The following TUT7 variants were observed in gnomAD, a reference collection of about 807,000 sequenced individuals.
TUT7 encodes the protein terminal uridylyl transferase 7.
TUT7 carries 33 observed loss-of-function variants against 165.9 expected under a neutral mutation model. The ratio of observed to expected loss-of-function variants is 0.20; its 90% CI spans 0.15 to 0.27. The LOEUF is 0.27. Among genes scored for constraint, TUT7 ranks in the 10% least tolerant of loss-of-function variants. TUT7 has a pLI of 1.00. For missense variants in TUT7, 1,338 were observed against 1,762.3 expected (o/e 0.76, Z 4.31); for synonymous variants, 552 against 608.1 (o/e 0.91, Z 1.36).
At chr9:86,334,002 G>A (rs1029637343) in intron 10 of TUT7, among the ~76,000 whole-genome samples, 1 of 151,884 alleles carries the variant, frequency 6.6e-6, no homozygotes, top group African/African-American at 2.4e-5. Context: ...TCCCTGGAGA[G>A]GGGAAACACT....
chr9:86,292,777 A>G (rs1046792351), intron 26 of TUT7, among the ~76,000 whole-genome samples: 1 of 151,998 alleles, frequency 6.6e-6, no homozygotes, highest in African/African-American at 2.4e-5. Context: ...CTTCTCTCTA[A>G]AAGAAAAAAA....
chr9:86,340,790 C>A (rs1156341158), intron 7 of TUT7, among the ~76,000 whole-genome samples: 1 of 152,190 alleles, frequency 6.6e-6, no homozygotes, highest in Non-Finnish European at 1.5e-5. Flanking sequence ...GTGATGATGT[C>A]ATCAAGCTAA....
chr9:86,308,761 TAA>T (rs985495707), intron 21 of TUT7, among the ~76,000 whole-genome samples, 155 bp from the exon 22 acceptor site: 4 of 152,252 alleles, frequency 2.6e-5, no homozygotes, highest in Non-Finnish European at 5.9e-5. Context: ...ATAATTTACA[TAA>T]GTTTATTAAT....
intron 18 of TUT7, 138 bp from the exon 19 acceptor site, chr9:86,310,155 G>A (rs1023077823): frequency 1.1e-5 from 7 of 638,416 alleles, no homozygotes; most frequent in Admixed American, 3.1e-5. Context: ...CTGGGCTCAA[G>A]TGATCCTCCC....
intron 9 of TUT7, 55 bp downstream of exon 9, chr9:86,338,768 G>A: frequency 3.5e-6 from 5 of 1,423,574 alleles, no homozygotes; most frequent in Non-Finnish European, 3.7e-6. Flanking sequence ...AAAAATCAAA[G>A]CATACTGCTT....
chr9:86,302,440 T>C (rs1421472778), intron 25 of TUT7, among the ~76,000 whole-genome samples: 1 of 152,174 alleles, frequency 6.6e-6, no homozygotes, highest in East Asian at 1.9e-4. Context: ...AGGAACTCAT[T>C]TGACTGTTTA....
chr9:86,308,301 G>T (rs945091461), intron 22 of TUT7, 128 bp downstream of exon 22: 4 of 767,650 alleles, frequency 5.2e-6, no homozygotes. Context: ...AGTTGGCCTG[G>T]TATGGACAAT....
At chr9:86,348,485 G>A (rs1831971622) in intron 2 of TUT7, among the ~76,000 whole-genome samples, 2 of 152,134 alleles carry the variant, frequency 1.3e-5, no homozygotes, top group South Asian at 2.1e-4. Context: ...GGTGCAGTGG[G>A]TCATGCCTGT....
At chr9:86,337,791 A>C (rs1830946429) in intron 9 of TUT7, among the ~76,000 whole-genome samples, 1 of 152,202 alleles carries the variant, frequency 6.6e-6, no homozygotes, top group African/African-American at 2.4e-5. Context: ...TGGCCCTAAA[A>C]TATTATTTCC....
At chr9:86,308,861 T>C (rs1587885251) in intron 21 of TUT7, among the ~76,000 whole-genome samples, 2 of 152,210 alleles carry the variant, frequency 1.3e-5, no homozygotes, top group East Asian at 3.8e-4. Flanking sequence ...AGAAATAGAT[T>C]CTAAGAGCCT....
chr9:86,311,066 G>A lies in TUT7; in HGVS notation c.3275-257C>T, dbSNP rs780434891. ...CTCCCCTCTGGGAACTTACTGGATCGTATGTGCACACGTGTGCATGTGTGT... is the reference window on the plus strand; with the variant it reads ...CTCCCCTCTGGGAACTTACTGGATCATATGTGCACACGTGTGCATGTGTGT... On this transcript the variant is annotated intron_variant, in intron 17 of 26. Coordinates refer to ENST00000375963, the MANE Select transcript of TUT7 (RefSeq NM_024617.4). The surrounding 1 kb of genome is among the most constrained non-coding windows in gnomAD (Gnocchi z 4.4). 1.3e-5 allele frequency among the ~76,000 whole-genome samples: 2 copies of A among 152,138 alleles called. No individual in the cohort carries two copies. The highest frequency in any genetic ancestry group is 2.4e-5 in the African/African-American group (1 of 41,416).
At chr9:86,303,287 C>A in intron 24 of TUT7, 86 bp from the exon 25 acceptor site, 1 of 615,832 alleles carries the variant, frequency 1.6e-6, no homozygotes. Flanking sequence ...AGTTATCTTA[C>A]AATTCAATGT....
At position 86,309,556 on chromosome 9, in the gene TUT7, T is replaced by C; in HGVS notation, c.3489A>G (p.Ala1163=). 1.9e-6 allele frequency: 3 copies of C among 1,612,404 alleles called. No homozygotes were observed. Among genetic ancestry groups the C allele is most frequent in the Non-Finnish European group, 2.5e-6 (3 of 1,179,526 alleles). ...CATACGATGATAAGCTGCCTCTAGA[T>C]GCATCACCAATATCACACATCTAGA... ...VFTKMCDIGD[A]SRGSLSSYAY... Residue 1163 remains alanine (A), a synonymous_variant, in exon 20 of 27, where the codon GCA becomes GCG. Coordinates refer to ENST00000375963, the MANE Select transcript of TUT7 (RefSeq NM_024617.4).
At chr9:86,305,095 A>G in intron 23 of TUT7, 97 bp downstream of exon 23, 1 of 1,297,496 alleles carries the variant, frequency 7.7e-7, no homozygotes, top group Admixed American at 2.3e-5. Context: ...CAGGAGTTTG[A>G]GACCAGCCTG....
At position 86,288,614 on chromosome 9, in the gene TUT7, C is replaced by T; in HGVS notation, c.*63G>A. 1 of 1,301,344 alleles carries T rather than the reference C, an allele frequency of 7.7e-7. No individual in the cohort carries two copies. The highest frequency in any genetic ancestry group is 1.2e-5 in the South Asian group (1 of 83,384). The allele number at this position is 1,301,344 out of a possible 1,614,324, so 80.6% of individuals were successfully genotyped here. ...ACACTGCTGTGTCCTGTGAAATGAACCTAATTTTCCGAGTGAATAGGAACG... is the reference window on the plus strand; with the variant it reads ...ACACTGCTGTGTCCTGTGAAATGAATCTAATTTTCCGAGTGAATAGGAACG... On this transcript the variant is annotated 3_prime_UTR_variant, in exon 27 of 27. Transcript: ENST00000375963.
At chr9:86,308,253 G>C (rs1827709918) in intron 22 of TUT7, among the ~76,000 whole-genome samples, 176 bp downstream of exon 22, 1 of 152,104 alleles carries the variant, frequency 6.6e-6, no homozygotes, top group Non-Finnish European at 1.5e-5. Flanking sequence ...AATGGCTTCA[G>C]TCATTTAAAA....
At position 86,323,050 on chromosome 9, in the gene TUT7, G is replaced by A. The variant is rs778501361; in HGVS notation, c.2700C>T (p.Gly900=). 24 of 1,613,920 alleles carry A rather than the reference G, an allele frequency of 1.5e-5. No homozygotes were observed. Among genetic ancestry groups the A allele is most frequent in the South Asian group, 7.7e-5 (7 of 91,084 alleles). ...TCACGTCTTCATACTTAGCAGCTTCGCCTAACTCATCATCCTCTTCAGATA... is the reference window on the plus strand; with the variant it reads ...TCACGTCTTCATACTTAGCAGCTTCACCTAACTCATCATCCTCTTCAGATA... ...DALSEEDDEL[G]EAAKYEDVKE... Residue 900 remains glycine, a synonymous_variant, in exon 13 of 27, where the codon GGC becomes GGT. Coordinates refer to ENST00000375963, the MANE Select transcript of TUT7 (RefSeq NM_024617.4).
At chr9:86,292,839 C>T (rs1212188362) in intron 26 of TUT7, among the ~76,000 whole-genome samples, 1 of 152,058 alleles carries the variant, frequency 6.6e-6, no homozygotes, top group Non-Finnish European at 1.5e-5. Flanking sequence ...TATTGTTATA[C>T]TGCTACTTGC....
chr9:86,312,042 C>T (rs1828148973), intron 17 of TUT7, among the ~76,000 whole-genome samples: 1 of 152,086 alleles, frequency 6.6e-6, no homozygotes, highest in Non-Finnish European at 1.5e-5. Flanking sequence ...CGGCCGCCAC[C>T]CCGTCTGGGA....
Sources: allele counts gnomAD v4.1 joint callset (sites outside exome capture counted in the v4.1 genomes callset), GRCh38; gene constraint gnomAD v4.1.1; non-coding constraint Gnocchi (gnomAD v3.1); transcripts MANE v1.5; gene names NCBI Gene and HGNC (gene_info 2026-07-23, HGNC 2026-07-21).